Variants in NCAM1 observed in about 807,000 individuals in gnomAD.
NCAM1 encodes the protein antigen recognized by monoclonal antibody 5.1H11.
NCAM1 carries 14 observed loss-of-function variants against 109.8 expected under a neutral mutation model. The observed-to-expected ratio is 0.13, with a 90% CI of 0.08 to 0.20. NCAM1 has a LOEUF of 0.20. NCAM1 is among the 10% of genes least tolerant of loss of function. The probability of loss-of-function intolerance (pLI) is 1.00; values close to 1 mark genes in which losing one functional copy is unlikely to be tolerated. For synonymous variants in NCAM1, 418 were observed against 442.9 expected (o/e 0.94, Z 0.70); for missense variants, 774 against 1,109.9 (o/e 0.70, Z 4.30).
intron 1 of NCAM1, among the ~76,000 whole-genome samples, chr11:113,117,365 A>G (rs782376766): frequency 2.0e-5 from 3 of 151,972 alleles, no homozygotes; most frequent in Non-Finnish European, 2.9e-5. Context: ...CAGGTAAGTT[A>G]CACTGTTGTT....
intron 1 of NCAM1, among the ~76,000 whole-genome samples, chr11:113,091,784 A>T (rs1382368618): frequency 6.6e-6 from 1 of 152,216 alleles, no homozygotes; most frequent in Non-Finnish European, 1.5e-5. Flanking sequence ...GGAAAAAATT[A>T]GGTGGCTTGC....
At position 113,214,254 on chromosome 11, in the gene NCAM1, A is replaced by G. The variant is rs1474781420; in HGVS notation, c.917-115A>G. The G allele has an allele frequency of 3.0e-5, 33 of 1,094,516 alleles. No individual in the cohort carries two copies. In the Admixed American group the frequency reaches 8.0e-4, roughly 27 times the overall value. 67.8% of individuals were successfully genotyped at this position (1,094,516 alleles called of 1,614,324 possible). ...GGTCTGCATCTCCTAAAACACCTAG[A>G]CTAGGGTCTTGTACTTAGCAGACAG... is the stretch of plus-strand genomic sequence containing the variant. On this transcript the variant is annotated intron_variant, in intron 7 of 19. Transcript: ENST00000316851.
At chr11:113,210,526 G>A (rs782144147) in intron 7 of NCAM1, among the ~76,000 whole-genome samples, 2 of 152,066 alleles carry the variant, frequency 1.3e-5, no homozygotes, top group African/African-American at 4.8e-5. Flanking sequence ...GCATCACCAG[G>A]TAGCTCATGG....
At chr11:113,226,372 A>G (rs936958977) in intron 9 of NCAM1, among the ~76,000 whole-genome samples, 1 of 152,216 alleles carries the variant, frequency 6.6e-6, no homozygotes, top group South Asian at 2.1e-4. Context: ...ATTCAACAAG[A>G]AGAGCTAACT....
At chr11:113,098,549 G>C (rs1466752951) in intron 1 of NCAM1, among the ~76,000 whole-genome samples, 1 of 152,108 alleles carries the variant, frequency 6.6e-6, no homozygotes, top group African/African-American at 2.4e-5. Context: ...AGTGAGAAAG[G>C]TAACCTCAGA....
chr11:113,136,925 G>A (rs1268754749), intron 1 of NCAM1, among the ~76,000 whole-genome samples: 1 of 152,228 alleles, frequency 6.6e-6, no homozygotes, highest in Admixed American at 6.5e-5. Context: ...GAGAGAGGAT[G>A]TGTCCAGGGG....
At chr11:113,141,854 T>G (rs1371837668) in intron 1 of NCAM1, among the ~76,000 whole-genome samples, 1 of 152,164 alleles carries the variant, frequency 6.6e-6, no homozygotes, top group African/African-American at 2.4e-5. Context: ...CAGCTCACTT[T>G]TAGGTGTTCA....
chr11:113,096,684 C>A (rs893577673), intron 1 of NCAM1, among the ~76,000 whole-genome samples: 1 of 152,094 alleles, frequency 6.6e-6, no homozygotes, highest in South Asian at 2.1e-4. Context: ...TTAATTATTT[C>A]AATGCAGTGG....
chr11:113,037,922 T>C (rs1249720042), intron 1 of NCAM1, among the ~76,000 whole-genome samples: 1 of 152,072 alleles, frequency 6.6e-6, no homozygotes, highest in Non-Finnish European at 1.5e-5. Flanking sequence ...TTCGAGTGTG[T>C]GGGAATTTTA....
chr11:113,242,730 A>G (rs1410449284), intron 14 of NCAM1: 4 of 1,281,562 alleles, frequency 3.1e-6, no homozygotes, highest in Middle Eastern at 1.8e-4. Context: ...GTATACATAT[A>G]TAGCTATGAG....
chr11:113,087,454 A>G (rs1419653944), intron 1 of NCAM1, among the ~76,000 whole-genome samples: 2 of 152,228 alleles, frequency 1.3e-5, no homozygotes, highest in Non-Finnish European at 2.9e-5. Context: ...GTGAACTTTT[A>G]CGTTCATAAT....
intron 1 of NCAM1, among the ~76,000 whole-genome samples, chr11:113,033,053 T>C (rs1952769157): frequency 6.6e-6 from 1 of 152,222 alleles, no homozygotes; most frequent in Non-Finnish European, 1.5e-5. Context: ...CAGATTGGCA[T>C]CCACAGTAAT....
intron 1 of NCAM1, among the ~76,000 whole-genome samples, chr11:113,118,577 G>A (rs186261384): frequency 7.6e-4 from 115 of 151,940 alleles, no homozygotes; most frequent in South Asian, 2.3e-3. Context: ...CTTATTTATT[G>A]TCTGTCTCCC....
chr11:113,175,156 A>G (rs1555106819), intron 1 of NCAM1, among the ~76,000 whole-genome samples: 3 of 152,202 alleles, frequency 2.0e-5, no homozygotes, highest in African/African-American at 7.2e-5. Context: ...CCATCTGGAG[A>G]CATTTTACAG....
At chr11:113,272,972 G>A (rs1217572679) in intron 19 of NCAM1, 1 of 456,670 alleles carries the variant, frequency 2.2e-6, no homozygotes, top group East Asian at 7.0e-5. Context: ...AGGACATGCT[G>A]CCTTCTGTCA....
intron 17 of NCAM1, chr11:113,269,964 C>T: frequency 1.7e-6 from 1 of 583,276 alleles, no homozygotes; most frequent in South Asian, 2.0e-5. Flanking sequence ...CCCCTGTTCC[C>T]CAATCTGTGA....
chr11:113,087,627 G>A (rs1939149205), intron 1 of NCAM1, among the ~76,000 whole-genome samples: 1 of 152,170 alleles, frequency 6.6e-6, no homozygotes, highest in African/African-American at 2.4e-5. Context: ...CCTATTGATA[G>A]GAGCTGTTGA....
intron 1 of NCAM1, among the ~76,000 whole-genome samples, chr11:113,146,309 G>T (rs181561712): frequency 5.7e-4 from 87 of 152,222 alleles, no homozygotes; most frequent in African/African-American, 1.9e-3. Flanking sequence ...GAGCAGAATG[G>T]GTTGTTGGTT....
intron 1 of NCAM1, among the ~76,000 whole-genome samples, chr11:113,121,591 G>A (rs1940965188): frequency 7.3e-6 from 1 of 136,084 alleles, no homozygotes; most frequent in African/African-American, 2.7e-5. Context: ...CTTTTGAGAA[G>A]AATAACAATG....
Sources: allele counts gnomAD v4.1 joint callset (sites outside exome capture counted in the v4.1 genomes callset), GRCh38; gene constraint gnomAD v4.1.1; transcripts MANE v1.5; gene names NCBI Gene and HGNC (gene_info 2026-07-23, HGNC 2026-07-21).